Variants in COPS3 observed in about 807,000 individuals in gnomAD.
The protein encoded by COPS3 is COP9 signalosome subunit 3, also known as COP9 signalosome complex subunit 3.
A neutral mutation model predicts 58.2 loss-of-function variants in COPS3; 10 were observed. The observed-to-expected ratio is 0.17, with a 90% CI of 0.11 to 0.29. COPS3 has a LOEUF of 0.29. Ranked by LOEUF, COPS3 falls within the 10% of genes least tolerant of loss-of-function variation. The pLI, the probability that COPS3 is intolerant of heterozygous loss-of-function variation, is 1.00. For missense variants in COPS3, 333 were observed against 510.1 expected, an observed-to-expected ratio of 0.65 and a Z score of 3.34; for synonymous variants, 187 against 181.7, an observed-to-expected ratio of 1.03 and a Z score of -0.24.
chr17:17,280,890 A>AG (rs1259665236), intron 1 of COPS3: 5 of 970,304 alleles, frequency 5.2e-6, no homozygotes, highest in Non-Finnish European at 7.2e-6. Context: ...GGCCGGGGGG[A>AG]GGGGGCTCCC....
intron 5 of COPS3, among the ~76,000 whole-genome samples, chr17:17,266,741 G>A (rs150267386): frequency 0.042 from 6,446 of 151,876 alleles, 271 homozygotes; most frequent in East Asian, 0.22. Flanking sequence ...GGAGCTTGCA[G>A]TGAGCCTAGA....
At chr17:17,268,111 C>T (rs1169898916) in intron 4 of COPS3, 134 bp from the exon 5 acceptor site, 1 of 1,245,580 alleles carries the variant, frequency 8.0e-7, no homozygotes, top group East Asian at 2.9e-5. Context: ...TTTCCATACT[C>T]TTTCAGGAAA....
At chr17:17,280,738 G>A (rs1317203627) in intron 1 of COPS3, 2 of 1,239,482 alleles carry the variant, frequency 1.6e-6, no homozygotes, top group East Asian at 1.2e-4. Flanking sequence ...AGCAAGCTGC[G>A]GATCGGCGGC....
At chr17:17,249,062 A>G in intron 9 of COPS3, 23 bp from the exon 10 acceptor site, 2 of 1,350,454 alleles carry the variant, frequency 1.5e-6, no homozygotes, top group Non-Finnish European at 1.0e-6. Flanking sequence ...AAAAAAAAAA[A>G]TCAGGAAAGC....
intron 2 of COPS3, among the ~76,000 whole-genome samples, chr17:17,274,279 G>T (rs1210520319): frequency 6.6e-6 from 1 of 151,986 alleles, no homozygotes; most frequent in East Asian, 1.9e-4. Context: ...CTGACCTATT[G>T]TGAACCCCAG....
Position 17,258,914 on chromosome 17 carries a change from T to C in COPS3, c.936+1387A>G, listed in dbSNP as rs567253844. ...TCTATTCTAGAAGCTATGGCTAGTC[T>C]TTCTAGAGTATTTGGAAGGATTCTT... On this transcript the variant is annotated intron_variant, in intron 8 of 11. Coordinates refer to ENST00000268717, the MANE Select transcript of COPS3 (RefSeq NM_003653.4). Among the ~76,000 whole-genome samples, 14 of 152,322 alleles carry C rather than the reference T, an allele frequency of 9.2e-5. No individual in the cohort carries two copies. The East Asian group carries it at 2.7e-3, about 29-fold the overall frequency.
intron 1 of COPS3, among the ~76,000 whole-genome samples, chr17:17,277,172 C>T (rs1250372052): frequency 1.3e-5 from 2 of 152,166 alleles, no homozygotes; most frequent in African/African-American, 2.4e-5. Context: ...ATCCAGCATT[C>T]AGCAATCAAC....
At chr17:17,280,463 G>A (rs950520046) in intron 1 of COPS3, 2 of 887,530 alleles carry the variant, frequency 2.3e-6, no homozygotes. Context: ...GGGAGGCTGA[G>A]ACAGGAGAAT....
In COPS3 at chr17:17,248,942, T is replaced by C; in HGVS notation, c.1121A>G (p.His374Arg). ...CATGTTTACCTCCTGATCAATGTTA[T>C]GAAGCATGGCTGGGTTATTATATTT... ...PEKYNNPAML[H>R]NIDQEMLKCI... is the part of the protein sequence containing the mutation. The change falls in exon 10 of 12, where the codon CAT becomes CGT. Residue 374 changes from histidine (H) to arginine (R), a missense_variant. By Grantham distance (29) the His-to-Arg change is conservative. Transcript: ENST00000268717. 2 of 1,599,482 alleles carry C rather than the reference T, an allele frequency of 1.3e-6. No homozygotes were observed. Among genetic ancestry groups the C allele is most frequent in the South Asian group, 1.1e-5 (1 of 88,748 alleles).
intron 8 of COPS3, among the ~76,000 whole-genome samples, chr17:17,258,954 A>G (rs1008668919): frequency 6.6e-6 from 1 of 151,488 alleles, no homozygotes; most frequent in Non-Finnish European, 1.5e-5. Flanking sequence ...TTGCCCATTG[A>G]CCCTCTCCTC....
chr17:17,277,188 G>A (rs1488594134), intron 1 of COPS3, among the ~76,000 whole-genome samples: 1 of 152,068 alleles, frequency 6.6e-6, no homozygotes, highest in Non-Finnish European at 1.5e-5. Context: ...TCAACTTGTG[G>A]CGTCTCTAGA....
intron 8 of COPS3, among the ~76,000 whole-genome samples, chr17:17,257,534 A>G (rs2048002751): frequency 6.6e-6 from 1 of 152,062 alleles, no homozygotes; most frequent in Non-Finnish European, 1.5e-5. Flanking sequence ...GTGGTGGCTC[A>G]TGCTTGTAAT....
chr17:17,254,834 A>T, intron 9 of COPS3, 25 bp downstream of exon 9: 7 of 1,430,620 alleles, frequency 4.9e-6, no homozygotes, highest in Non-Finnish European at 6.7e-6. Flanking sequence ...AAAAAAAAAG[A>T]AAAAGAAAAA....
intron 1 of COPS3, 115 bp from the exon 2 acceptor site, chr17:17,276,279 C>T: frequency 7.3e-7 from 1 of 1,365,372 alleles, no homozygotes; most frequent in Non-Finnish European, 1.0e-6. Flanking sequence ...GATTCTTAAT[C>T]TCCTTCACTT....
chr17:17,277,444 G>T (rs2048484154), intron 1 of COPS3, among the ~76,000 whole-genome samples: 1 of 152,136 alleles, frequency 6.6e-6, no homozygotes, highest in African/African-American at 2.4e-5. Flanking sequence ...TTGAGACAGG[G>T]TCTCATTCTG....
intron 1 of COPS3, among the ~76,000 whole-genome samples, chr17:17,278,682 T>C (rs1016664156): frequency 1.1e-4 from 16 of 152,132 alleles, no homozygotes; most frequent in African/African-American, 3.6e-4. Flanking sequence ...GAAATAAGCA[T>C]TGCAATCCAT....
intron 8 of COPS3, among the ~76,000 whole-genome samples, chr17:17,258,706 G>T (rs953402683): frequency 3.9e-5 from 6 of 152,088 alleles, no homozygotes; most frequent in African/African-American, 1.2e-4. Context: ...AAAATTTTAT[G>T]GAGAGAATTA....
intron 4 of COPS3, among the ~76,000 whole-genome samples, chr17:17,270,431 A>T (rs995096786): frequency 6.6e-6 from 1 of 152,216 alleles, no homozygotes; most frequent in Non-Finnish European, 1.5e-5. Flanking sequence ...AGGCTAAAAT[A>T]ATGTCCTAAT....
At chr17:17,265,189 T>C (rs1274541872) in intron 5 of COPS3, among the ~76,000 whole-genome samples, 2 of 152,214 alleles carry the variant, frequency 1.3e-5, no homozygotes, top group Non-Finnish European at 2.9e-5. Context: ...TTGGAATATT[T>C]GCAGAATACA....
Sources: gnomAD v4.1 joint callset for allele counts (sites outside exome capture counted in the v4.1 genomes callset) on GRCh38, gnomAD v4.1.1 for gene constraint, MANE v1.5 for transcripts, NCBI Gene and HGNC (gene_info 2026-07-23, HGNC 2026-07-21) for gene names.